CFDP1: variants seen among roughly 807,000 people sequenced by gnomAD.
The protein encoded by CFDP1 is chromatin remodeling protein CFDP1, also known as heterochromatin-stabilizing protein CFDP1.
In CFDP1, 31 loss-of-function variants were observed where a neutral mutation model predicts 40.1. The ratio of observed to expected loss-of-function variants is 0.77; its 90% CI spans 0.58 to 1.04. CFDP1 has a LOEUF of 1.04. Among genes scored for constraint, CFDP1 ranks in the 50% least tolerant of loss-of-function variants. The probability of loss-of-function intolerance (pLI) is 0.00; values close to 1 mark genes in which losing one functional copy is unlikely to be tolerated. For missense variants in CFDP1, 423 were observed against 343.4 expected (o/e 1.23, Z -1.83); for synonymous variants, 167 against 120.0 (o/e 1.39, Z -2.56).
chr16:75,377,187 T>C (rs922947066), intron 5 of CFDP1, among the ~76,000 whole-genome samples: 2 of 152,252 alleles, frequency 1.3e-5, no homozygotes, highest in Admixed American at 6.5e-5. Flanking sequence ...ACTCATTAAA[T>C]TGAACACTTA....
rs1420156944 is a variant in CFDP1 at position 75,423,766 on chromosome 16, G to A, written c.65-9071C>T. Among the ~76,000 whole-genome samples the A allele has an allele frequency of 2.6e-5, 4 of 152,042 alleles. No individual in the cohort carries two copies. In the South Asian group the frequency reaches 8.3e-4, roughly 32 times the overall value. The stretch of plus-strand genomic sequence containing the variant: ...CCTGACCTTGAGATCCGCCCACCTC[G>A]GCCTCCCAGGTTGGTCTTTAACTCC... On this transcript the variant is annotated intron_variant, in intron 1 of 6. Coordinates refer to ENST00000283882, the MANE Select transcript of CFDP1 (RefSeq NM_006324.3).
intron 6 of CFDP1, among the ~76,000 whole-genome samples, chr16:75,300,257 G>A (rs1262133249): frequency 1.3e-5 from 2 of 152,046 alleles, no homozygotes; most frequent in African/African-American, 2.4e-5. Flanking sequence ...GTGGGATGTT[G>A]GTGGAAAGAC....
At chr16:75,376,194 G>T (rs926156030) in intron 5 of CFDP1, among the ~76,000 whole-genome samples, 2 of 152,168 alleles carry the variant, frequency 1.3e-5, no homozygotes, top group Non-Finnish European at 2.9e-5. Context: ...CTGAGTGACA[G>T]AGCAAGACCC....
intron 4 of CFDP1, among the ~76,000 whole-genome samples, chr16:75,398,495 A>G (rs2079017617): frequency 6.6e-6 from 1 of 152,116 alleles, no homozygotes; most frequent in African/African-American, 2.4e-5. Flanking sequence ...CATGACTTCC[A>G]CAGGCTAGCA....
intron 5 of CFDP1, 21 bp downstream of exon 5, chr16:75,395,069 G>C (rs1183117346): frequency 6.2e-7 from 1 of 1,613,018 alleles, no homozygotes; most frequent in Admixed American, 1.7e-5. Context: ...GTACATCAGG[G>C]AGTGAGACTC....
chr16:75,395,333 C>G (rs1376468085), intron 4 of CFDP1, 124 bp from the exon 5 acceptor site: 15 of 1,010,348 alleles, frequency 1.5e-5, no homozygotes, highest in Non-Finnish European at 1.6e-5. Flanking sequence ...GGACGCTCAG[C>G]ATTATGATAA....
At chr16:75,316,839 C>T (rs905340313) in intron 5 of CFDP1, among the ~76,000 whole-genome samples, 2 of 151,932 alleles carry the variant, frequency 1.3e-5, no homozygotes, top group East Asian at 3.9e-4. Flanking sequence ...CGTGGAGGCG[C>T]ATGCCTGTAA....
At chr16:75,362,983 T>C (rs1364078) in intron 5 of CFDP1, 75,337 of 151,862 alleles carry the variant, frequency 0.5, 20,143 homozygotes, top group Admixed American at 0.63. Flanking sequence ...CTGTTGGCTC[T>C]GAAATCCAGA....
chr16:75,420,723 G>C (rs1567681739), intron 1 of CFDP1, among the ~76,000 whole-genome samples: 4 of 152,172 alleles, frequency 2.6e-5, no homozygotes, highest in African/African-American at 7.2e-5. Context: ...GAAAAGCGAT[G>C]TGAGTAAATA....
At chr16:75,342,376 G>A (rs1855623071) in intron 5 of CFDP1, among the ~76,000 whole-genome samples, 1 of 152,182 alleles carries the variant, frequency 6.6e-6, no homozygotes, top group Non-Finnish European at 1.5e-5. Flanking sequence ...CAGTATAACA[G>A]GAACTTATGT....
intron 4 of CFDP1, among the ~76,000 whole-genome samples, chr16:75,395,536 G>A (rs1434589568): frequency 6.6e-6 from 1 of 152,202 alleles, no homozygotes; most frequent in East Asian, 1.9e-4. Flanking sequence ...GCGGGCGCCT[G>A]TAGTCCCAGC....
In CFDP1 at chr16:75,384,833, T is replaced by A. The variant is rs535184109; in HGVS notation, c.650+10257A>T. On this transcript the variant is annotated intron_variant, in intron 5 of 6. Coordinates refer to ENST00000283882, the MANE Select transcript of CFDP1 (RefSeq NM_006324.3). ...ATAGACTGTTAAGTAAAAATACAAG[T>A]TGCAAGAAGAAACTAAAACTATATA... Among the ~76,000 whole-genome samples, 5 of 106,216 alleles carry A rather than the reference T, an allele frequency of 4.7e-5. No individual in the cohort carries two copies. In the South Asian group the frequency reaches 1.6e-3, roughly 33 times the overall value. The allele number at this position is 106,216 out of a possible 152,430, so 69.7% of individuals were successfully genotyped here.
At chr16:75,410,607 A>G (rs1284141879) in intron 4 of CFDP1, among the ~76,000 whole-genome samples, 2 of 152,020 alleles carry the variant, frequency 1.3e-5, no homozygotes, top group Non-Finnish European at 2.9e-5. Flanking sequence ...CCCTGTCTCT[A>G]CTAAAACTAC....
chr16:75,414,367 C>T (rs1399645522), intron 2 of CFDP1, among the ~76,000 whole-genome samples: 2 of 152,268 alleles, frequency 1.3e-5, no homozygotes, highest in African/African-American at 4.8e-5. Context: ...GTACATATTA[C>T]CTATTAACAT....
chr16:75,357,243 TTTTA>T (rs1351819626), intron 5 of CFDP1, among the ~76,000 whole-genome samples: 2 of 151,892 alleles, frequency 1.3e-5, no homozygotes, highest in East Asian at 3.9e-4. Flanking sequence ...TTTAAAATTA[TTTTA>T]TTTATTTTTA....
intron 5 of CFDP1, among the ~76,000 whole-genome samples, chr16:75,367,703 G>C (rs1032408392): frequency 3.1e-4 from 45 of 146,404 alleles, no homozygotes; most frequent in African/African-American, 1.1e-3. Flanking sequence ...TGAGGCAGGA[G>C]AATCACTTGA....
intron 5 of CFDP1, among the ~76,000 whole-genome samples, chr16:75,386,334 A>G (rs1484281079): frequency 6.6e-6 from 1 of 152,210 alleles, no homozygotes; most frequent in Non-Finnish European, 1.5e-5. Context: ...ATCACTATAG[A>G]TAATTCCTAG....
intron 1 of CFDP1, among the ~76,000 whole-genome samples, chr16:75,425,520 T>C (rs2079330218): frequency 6.6e-6 from 1 of 151,022 alleles, no homozygotes; most frequent in African/African-American, 2.4e-5. Context: ...AAACAGTAAA[T>C]GAAACTGTGG....
intron 6 of CFDP1, among the ~76,000 whole-genome samples, chr16:75,302,587 G>GA (rs2078228470): frequency 6.6e-6 from 1 of 152,210 alleles, no homozygotes; most frequent in South Asian, 2.1e-4. Flanking sequence ...AACTCAAGCA[G>GA]AGTGAACACT....
Sources: allele counts gnomAD v4.1 joint callset (sites outside exome capture counted in the v4.1 genomes callset), GRCh38; gene constraint gnomAD v4.1.1; transcripts MANE v1.5; gene names NCBI Gene and HGNC (gene_info 2026-07-23, HGNC 2026-07-21).